Variants in HOMEZ observed in about 807,000 individuals in gnomAD.
HOMEZ encodes homeobox and leucine zipper protein Homez.
In HOMEZ, 20 loss-of-function variants were observed where a neutral mutation model predicts 50.1. The observed-to-expected ratio is 0.40, with a 90% CI of 0.28 to 0.58. The LOEUF (loss-of-function observed/expected upper bound fraction) is 0.58. Among genes scored for constraint, HOMEZ ranks in the 20% least tolerant of loss-of-function variants. The pLI is 0.46. For missense variants in HOMEZ, 579 were observed against 680.5 expected (o/e 0.85, Z 1.66); for synonymous variants, 239 against 254.7 (o/e 0.94, Z 0.59).
rs1174573587 is a variant in HOMEZ, at chr14:23,272,535, T to C, written c.*3040A>G. 2.5e-6 allele frequency: 1 copy of C among 401,608 alleles called. No individual in the cohort carries two copies. Among genetic ancestry groups the C allele is most frequent in the Non-Finnish European group, 4.5e-6 (1 of 220,374 alleles). The allele number at this position is 401,608 out of a possible 1,614,324, so 24.9% of individuals were successfully genotyped here. ...AAGAACTCTGCCTCCCTGGTAGTCATCTCTGGGTGTGGTAGTCATATGTCC... is the reference window on the plus strand; with the variant it reads ...AAGAACTCTGCCTCCCTGGTAGTCACCTCTGGGTGTGGTAGTCATATGTCC... On this transcript the variant is annotated 3_prime_UTR_variant, in exon 2 of 2. Transcript: ENST00000357460.
chr14:23,277,445 T>C (rs182702581), intron 1 of HOMEZ, among the ~76,000 whole-genome samples: 34 of 152,312 alleles, frequency 2.2e-4, no homozygotes, highest in Admixed American at 3.3e-4. Flanking sequence ...TGGTGAGTGT[T>C]GTTCCAAGAA....
In HOMEZ at chr14:23,275,600, TC is replaced by T. The variant is rs758599741; in HGVS notation, c.1627del (p.Asp543MetfsTer4). On this transcript the variant is annotated frameshift_variant, in exon 2 of 2. Coordinates refer to ENST00000357460, the MANE Select transcript of HOMEZ (RefSeq NM_020834.3). LOFTEE classifies it high-confidence loss of function. ...TCAGTCTTGTATGATCACATCATCA[TC>T]ATCATCATCATCATCTTCCTCCTCC... is the stretch of plus-strand genomic sequence containing the variant. ...EEEEEDDDDD[D>X]DDVIIQD is the part of the protein sequence containing the mutation. 1.2e-5 allele frequency: 18 copies of T among 1,534,188 alleles called. No individual in the cohort carries two copies. In the South Asian group the frequency reaches 2.2e-4, roughly 19 times the overall value.
At position 23,275,992 on chromosome 14, in the gene HOMEZ, C is replaced by A. The variant is rs1410608991; in HGVS notation, c.1236G>T (p.Lys412Asn). ...CCCGAAACCACTTTAGTTGCCCATGCTTCAAGGCATAGCGTGTGTCACCAA... is the reference window on the plus strand; with the variant it reads ...CCCGAAACCACTTTAGTTGCCCATGATTCAAGGCATAGCGTGTGTCACCAA... The part of the protein sequence containing the change: ...QWFGDTRYAL[K>N]HGQLKWFRDN... Residue 412 changes from lysine to asparagine, a missense_variant, in exon 2 of 2, where the codon AAG becomes AAT. Coordinates refer to ENST00000357460, the MANE Select transcript of HOMEZ (RefSeq NM_020834.3). 6.2e-7 allele frequency: 1 copy of A among 1,613,232 alleles called. No homozygotes were observed. Among genetic ancestry groups the A allele is most frequent in the Non-Finnish European group, 8.5e-7 (1 of 1,179,512 alleles).
At position 23,275,326 on chromosome 14, in the gene HOMEZ, T is replaced by C. The variant is rs975913757; in HGVS notation, c.*249A>G. 2 of 508,494 alleles carry C rather than the reference T, an allele frequency of 3.9e-6. No homozygotes were observed. Among genetic ancestry groups the C allele is most frequent in the Non-Finnish European group, 6.9e-6 (2 of 291,294 alleles). The allele number at this position is 508,494 out of a possible 1,614,324, so 31.5% of individuals were successfully genotyped here. ...CTTCCCAGCCCATGGTTTCCCCAGA[T>C]CCTTAGCACTCCCTACCCTAAGGTT... On this transcript the variant is annotated 3_prime_UTR_variant, in exon 2 of 2. Transcript: ENST00000357460.
At chr14:23,283,751 C>G (rs940121008) in intron 1 of HOMEZ, among the ~76,000 whole-genome samples, 1 of 151,980 alleles carries the variant, frequency 6.6e-6, no homozygotes, top group African/African-American at 2.4e-5. Context: ...AAAAATTAGC[C>G]GGGCATGGTG....
chr14:23,275,498 A>G lies in HOMEZ; in HGVS notation c.*77T>C, dbSNP rs144280233. The G allele has an allele frequency of 2.1e-6, 3 of 1,461,676 alleles. No homozygotes were observed. 90.5% of individuals were successfully genotyped at this position (1,461,676 alleles called of 1,614,324 possible). On this transcript the variant is annotated 3_prime_UTR_variant, in exon 2 of 2. Transcript: ENST00000357460. ...TCTCTGCCACAAGGTAATTTTAAAAATGTGGTTTCTTTGTTTAAACAGTTA... is the reference window on the plus strand; with the variant it reads ...TCTCTGCCACAAGGTAATTTTAAAAGTGTGGTTTCTTTGTTTAAACAGTTA...
At chr14:23,281,687 A>G (rs1886559561) in intron 1 of HOMEZ, among the ~76,000 whole-genome samples, 1 of 151,914 alleles carries the variant, frequency 6.6e-6, no homozygotes, top group Non-Finnish European at 1.5e-5. Flanking sequence ...CCTTGGGCCG[A>G]GCGCAGTGGC....
Position 23,275,493 on chromosome 14 carries a change from TA to T in HOMEZ, c.*81del. 6.8e-7 allele frequency: 1 copy of T among 1,461,004 alleles called. No homozygotes were observed. Among genetic ancestry groups the T allele is most frequent in the Non-Finnish European group, 9.1e-7 (1 of 1,104,802 alleles). 90.5% of individuals were successfully genotyped at this position (1,461,004 alleles called of 1,614,324 possible). On this transcript the variant is annotated 3_prime_UTR_variant, in exon 2 of 2. Transcript: ENST00000357460. ...TTAGTTCTCTGCCACAAGGTAATTT[TA>T]AAAATGTGGTTTCTTTGTTTAAACA... is the stretch of plus-strand genomic sequence containing the variant.
intron 1 of HOMEZ, among the ~76,000 whole-genome samples, chr14:23,280,695 ATTTTTATATTTTTATTTTTATTT>A (rs1310189937): frequency 1.1e-5 from 1 of 90,558 alleles, no homozygotes; most frequent in Non-Finnish European, 2.6e-5. Context: ...TTTTATTTTT[ATTTTTATATTTTTATTTTTATTT>A]TATTTTATTT....
At chr14:23,278,868 G>C (rs1008064889) in intron 1 of HOMEZ, among the ~76,000 whole-genome samples, 1 of 152,110 alleles carries the variant, frequency 6.6e-6, no homozygotes, top group Non-Finnish European at 1.5e-5. Context: ...TAGAGACGAG[G>C]TTTTACCATG....
At chr14:23,280,068 T>C (rs1436316763) in intron 1 of HOMEZ, among the ~76,000 whole-genome samples, 1 of 152,060 alleles carries the variant, frequency 6.6e-6, no homozygotes, top group Non-Finnish European at 1.5e-5. Flanking sequence ...CCCCCCTTTT[T>C]TCTTTCCCTT....
intron 1 of HOMEZ, among the ~76,000 whole-genome samples, chr14:23,282,641 C>T (rs1229081139): frequency 6.6e-6 from 1 of 152,106 alleles, no homozygotes; most frequent in Non-Finnish European, 1.5e-5. Context: ...GAAAATAAAG[C>T]ATAAGGAACA....
chr14:23,281,355 G>A (rs745420983), intron 1 of HOMEZ, among the ~76,000 whole-genome samples: 37 of 152,190 alleles, frequency 2.4e-4, no homozygotes, highest in Non-Finnish European at 4.9e-4. Context: ...ATGGCATGAC[G>A]GGTAGAAATA....
Position 23,275,710 on chromosome 14 carries a change from T to C in HOMEZ, c.1518A>G (p.Pro506=), listed in dbSNP as rs773989009. Residue 506 remains proline, a synonymous_variant, in exon 2 of 2, where the codon CCA becomes CCG. Coordinates refer to ENST00000357460, the MANE Select transcript of HOMEZ (RefSeq NM_020834.3). ...LDWFDSRLPQ[P]AEVVVCLDEE... is the part of the protein sequence containing the mutation. ...CATCTAGACAAACTACCACCTCAGC[T>C]GGCTGAGGTAATCGAGAGTCAAACC... The C allele has an allele frequency of 6.2e-7, 1 of 1,608,706 alleles. No homozygotes were observed. The highest frequency in any genetic ancestry group is 1.1e-5 in the South Asian group (1 of 90,388).
chr14:23,284,736 G>A (rs917616138), intron 1 of HOMEZ, among the ~76,000 whole-genome samples: 2 of 152,178 alleles, frequency 1.3e-5, no homozygotes, highest in African/African-American at 2.4e-5. Flanking sequence ...TGAGTTGGGA[G>A]TGAGCAAGAC....
intron 1 of HOMEZ, 126 bp downstream of exon 1, chr14:23,285,785 GAA>G (rs796116533): frequency 2.0e-6 from 1 of 496,756 alleles, no homozygotes; most frequent in African/African-American, 2.0e-5. Flanking sequence ...GTCCAGAGGA[GAA>G]AAAAGAGAGA....
chr14:23,278,119 C>G (rs1313451581), intron 1 of HOMEZ, among the ~76,000 whole-genome samples: 1 of 151,476 alleles, frequency 6.6e-6, no homozygotes, highest in Non-Finnish European at 1.5e-5. Context: ...AGTCACCACA[C>G]CCAGCTGGTG....
intron 1 of HOMEZ, among the ~76,000 whole-genome samples, chr14:23,281,319 C>T (rs987478110): frequency 6.6e-6 from 1 of 152,042 alleles, no homozygotes; most frequent in Non-Finnish European, 1.5e-5. Flanking sequence ...CTTGAAGAGC[C>T]CCTTAAGAGG....
At chr14:23,279,204 G>A (rs1886433800) in intron 1 of HOMEZ, among the ~76,000 whole-genome samples, 1 of 151,960 alleles carries the variant, frequency 6.6e-6, no homozygotes, top group Non-Finnish European at 1.5e-5. Flanking sequence ...ATAAAGTTTC[G>A]GTGCCACAAA....
Sources: allele counts gnomAD v4.1 joint callset (sites outside exome capture counted in the v4.1 genomes callset), GRCh38; gene constraint gnomAD v4.1.1; transcripts MANE v1.5; gene names NCBI Gene and HGNC (gene_info 2026-07-23, HGNC 2026-07-21).